Variants in ERC2 observed in about 807,000 individuals in gnomAD.
ERC2 encodes ELKS/RAB6-interacting/CAST family member 2, also known as ERC protein 2.
ERC2 carries 42 observed loss-of-function variants against 114.8 expected under a neutral mutation model. The observed-to-expected ratio is 0.37, with a 90% CI of 0.29 to 0.47. The LOEUF (loss-of-function observed/expected upper bound fraction) is 0.47. ERC2 is among the 20% of genes least tolerant of loss of function. The pLI, the probability that ERC2 is intolerant of heterozygous loss-of-function variation, is 0.99. For missense variants in ERC2, 939 were observed against 1,150.7 expected, an observed-to-expected ratio of 0.82 and a Z score of 2.66; for synonymous variants, 454 against 425.5, an observed-to-expected ratio of 1.07 and a Z score of -0.82.
At chr3:56,030,040 G>C (rs2074284296) in intron 7 of ERC2, among the ~76,000 whole-genome samples, 1 of 152,034 alleles carries the variant, frequency 6.6e-6, no homozygotes, top group Non-Finnish European at 1.5e-5. Context: ...TTTCATGTAT[G>C]TTTTTCCTTT....
At chr3:56,309,100 G>A (rs1156857359) in intron 2 of ERC2, among the ~76,000 whole-genome samples, 1 of 152,208 alleles carries the variant, frequency 6.6e-6, no homozygotes, top group Non-Finnish European at 1.5e-5. Flanking sequence ...CCAGTGTGTG[G>A]TGGAAGAGTT....
At chr3:56,351,072 C>G (rs1481017539) in intron 2 of ERC2, among the ~76,000 whole-genome samples, 3 of 151,892 alleles carry the variant, frequency 2.0e-5, no homozygotes, top group Non-Finnish European at 4.4e-5. Context: ...GAGAGGCAGA[C>G]AGAGGAAAGA....
At chr3:55,525,046 C>A (rs1012891155) in intron 17 of ERC2, among the ~76,000 whole-genome samples, 2 of 152,196 alleles carry the variant, frequency 1.3e-5, no homozygotes, top group African/African-American at 4.8e-5. Context: ...CCAGGAACTA[C>A]CCTCATGGTT....
intron 17 of ERC2, among the ~76,000 whole-genome samples, chr3:55,649,570 T>A (rs560208299): frequency 3.7e-4 from 57 of 152,270 alleles, no homozygotes; most frequent in African/African-American, 1.3e-3. Context: ...AATAATTTTT[T>A]AAAATAATGC....
intron 13 of ERC2, among the ~76,000 whole-genome samples, chr3:55,927,768 C>T (rs2065834826): frequency 6.6e-6 from 1 of 152,096 alleles, no homozygotes; most frequent in African/African-American, 2.4e-5. Flanking sequence ...CCCTTCCCAG[C>T]CTCTGGTAAC....
At chr3:55,689,851 C>T (rs1280436650) in intron 16 of ERC2, among the ~76,000 whole-genome samples, 4 of 151,958 alleles carry the variant, frequency 2.6e-5, no homozygotes, top group African/African-American at 4.8e-5. Flanking sequence ...CTACCATATC[C>T]TGGCCCTGAT....
At chr3:55,997,922 G>GTT (rs1559997200) in intron 10 of ERC2, among the ~76,000 whole-genome samples, 2,758 of 35,354 alleles carry the variant, frequency 0.078, 83 homozygotes, top group Non-Finnish European at 0.1. Flanking sequence ...GTGTGTGTGT[G>GTT]TTTTTTGTTT....
At chr3:56,185,504 T>C (rs1383190290) in intron 3 of ERC2, among the ~76,000 whole-genome samples, 2 of 152,212 alleles carry the variant, frequency 1.3e-5, no homozygotes, top group Non-Finnish European at 2.9e-5. Flanking sequence ...GCCTCATCCA[T>C]ACATAAGCGA....
intron 2 of ERC2, among the ~76,000 whole-genome samples, chr3:56,391,551 A>T (rs968306729): frequency 6.6e-6 from 1 of 152,204 alleles, no homozygotes; most frequent in Non-Finnish European, 1.5e-5. Context: ...TCTAAATACC[A>T]TGTCATGTCT....
intron 14 of ERC2, among the ~76,000 whole-genome samples, chr3:55,788,262 C>T (rs1344650617): frequency 1.3e-5 from 2 of 152,184 alleles, no homozygotes; most frequent in Non-Finnish European, 2.9e-5. Context: ...CCCAGAATCT[C>T]CCCTGATAAT....
chr3:56,199,652 T>C (rs1271571997), intron 3 of ERC2, among the ~76,000 whole-genome samples: 4 of 152,022 alleles, frequency 2.6e-5, no homozygotes, highest in South Asian at 4.1e-4. Context: ...GGACTACAGA[T>C]GCATACCACC....
chr3:56,320,148 G>T (rs1424458420), intron 2 of ERC2, among the ~76,000 whole-genome samples: 2 of 152,260 alleles, frequency 1.3e-5, no homozygotes, highest in African/African-American at 4.8e-5. Context: ...GTAGAGCAAA[G>T]AAAATATTTG....
intron 2 of ERC2, among the ~76,000 whole-genome samples, chr3:56,348,887 G>GGAAA (rs2058420844): frequency 4.0e-5 from 2 of 49,532 alleles, no homozygotes; most frequent in East Asian, 1.2e-3. Flanking sequence ...AAGGAAGGAA[G>GGAAA]GAAGGAAGGA....
chr3:55,741,000 A>T (rs2065936002), intron 14 of ERC2, among the ~76,000 whole-genome samples: 1 of 152,144 alleles, frequency 6.6e-6, no homozygotes, highest in African/African-American at 2.4e-5. Context: ...ATGAAATCTG[A>T]AATACTTCTG....
chr3:55,515,320 ATT>A (rs1553685710), intron 17 of ERC2, among the ~76,000 whole-genome samples: 1 of 149,038 alleles, frequency 6.7e-6, no homozygotes, highest in Admixed American at 6.7e-5. Flanking sequence ...TATTATTAAT[ATT>A]TATCTCTGGG....
chr3:56,068,476 A>AT (rs1002129052), intron 7 of ERC2, among the ~76,000 whole-genome samples: 10 of 149,260 alleles, frequency 6.7e-5, no homozygotes, highest in African/African-American at 2.5e-4. Context: ...TTATTTATTT[A>AT]TTTTTTTCCA....
In ERC2 at chr3:55,848,937, G is replaced by T. The variant is rs548054087; in HGVS notation, c.2564+39452C>A. Reference sequence around the variant, plus strand: ...TGTGAGTGGAGGCAGTTTTTTTGTTGTTGTTGTTCAACTTTTTGATACCCT... The same window carrying T: ...TGTGAGTGGAGGCAGTTTTTTTGTTTTTGTTGTTCAACTTTTTGATACCCT... On this transcript the variant is annotated intron_variant, in intron 14 of 17. Coordinates refer to ENST00000288221, the MANE Select transcript of ERC2 (RefSeq NM_015576.3). 2.0e-5 allele frequency among the ~76,000 whole-genome samples: 3 copies of T among 152,142 alleles called. No homozygotes were observed. In the East Asian group the frequency reaches 5.8e-4, roughly 29 times the overall value.
At chr3:55,567,932 T>G (rs2056476023) in intron 17 of ERC2, among the ~76,000 whole-genome samples, 1 of 152,156 alleles carries the variant, frequency 6.6e-6, no homozygotes, top group African/African-American at 2.4e-5. Context: ...ATGGCTTCCC[T>G]CTTTGGGCCC....
At chr3:55,792,593 T>C (rs1040368615) in intron 14 of ERC2, among the ~76,000 whole-genome samples, 1 of 152,218 alleles carries the variant, frequency 6.6e-6, no homozygotes, top group South Asian at 2.1e-4. Context: ...CTATGGAATG[T>C]AGCAATGAAA....
Sources: gnomAD v4.1 joint callset for allele counts (sites outside exome capture counted in the v4.1 genomes callset) on GRCh38, gnomAD v4.1.1 for gene constraint, MANE v1.5 for transcripts, NCBI Gene and HGNC (gene_info 2026-07-23, HGNC 2026-07-21) for gene names.